CACNA2D4: variants seen among roughly 807,000 people sequenced by gnomAD.
The protein encoded by CACNA2D4 is calcium voltage-gated channel auxiliary subunit alpha2delta 4.
A neutral mutation model predicts 163.8 loss-of-function variants in CACNA2D4; 157 were observed. The ratio of observed to expected loss-of-function variants is 0.96; its 90% confidence interval spans 0.84 to 1.09. The LOEUF is 1.09. Among genes scored for constraint, CACNA2D4 ranks in the 50% least tolerant of loss-of-function variants. The pLI is 0.00. For synonymous variants in CACNA2D4, 598 were observed against 586.9 expected, an observed-to-expected ratio of 1.02 and a Z score of -0.27; for missense variants, 1,410 against 1,479.9, an observed-to-expected ratio of 0.95 and a Z score of 0.78.
intron 18 of CACNA2D4, among the ~76,000 whole-genome samples, chr12:1,865,452 G>A (rs1427143800): frequency 6.6e-6 from 1 of 152,342 alleles, no homozygotes; most frequent in Middle Eastern, 3.4e-3. Context: ...AAGCACAATC[G>A]CGTGCCTGGG....
Position 1,878,230 on chromosome 12 carries a change from T to A in CACNA2D4, c.1719+85A>T. The A allele has an allele frequency of 1.4e-6, 2 of 1,442,178 alleles. No individual in the cohort carries two copies. The highest frequency in any genetic ancestry group is 1.9e-6 in the Non-Finnish European group (2 of 1,047,182). The allele number at this position is 1,442,178 out of a possible 1,614,324, so 89.3% of individuals were successfully genotyped here. On this transcript the variant is annotated intron_variant, in intron 16 of 37. Coordinates refer to ENST00000382722, the MANE Select transcript of CACNA2D4 (RefSeq NM_172364.5). This position sits in a 1 kb window ranked among gnomAD's most constrained non-coding sequence, Gnocchi z 4.6. The stretch of plus-strand genomic sequence containing the variant: ...CTGGGTTCCTAAATGGAGCCCAATG[T>A]GTGTTTGTTGTTTTAATCGTTTTTG...
At chr12:1,906,202 A>T (rs1866655283) in intron 6 of CACNA2D4, among the ~76,000 whole-genome samples, 1 of 152,220 alleles carries the variant, frequency 6.6e-6, no homozygotes, top group African/African-American at 2.4e-5. Context: ...TAAGACCTAA[A>T]ACTATAAAAC....
At chr12:1,853,898 A>C in intron 23 of CACNA2D4, 53 bp downstream of exon 23, 1 of 1,436,068 alleles carries the variant, frequency 7.0e-7, no homozygotes, top group Non-Finnish European at 9.7e-7. Context: ...CAACTTAGCC[A>C]AGGGAATTCT....
intron 26 of CACNA2D4, among the ~76,000 whole-genome samples, chr12:1,816,810 A>G (rs1863890794): frequency 6.6e-6 from 1 of 152,206 alleles, no homozygotes; most frequent in Non-Finnish European, 1.5e-5. Flanking sequence ...ACATGCATGC[A>G]CACACACTTG....
chr12:1,918,633 A>G lies in CACNA2D4; in HGVS notation c.-160T>C, dbSNP rs1310694146. 6.9e-6 allele frequency: 4 copies of G among 583,586 alleles called. No homozygotes were observed. The highest frequency in any genetic ancestry group is 9.0e-6 in the Non-Finnish European group (3 of 332,258). The allele number at this position is 583,586 out of a possible 1,614,324, so 36.2% of individuals were successfully genotyped here. A position where few individuals can be genotyped will look rare whatever the true frequency, so the allele number is the denominator to read the frequency against. Reference sequence around the variant, plus strand: ...AGAAGAGTCGCCCCACCTAGCAAGCAGGCCTCGGAGACAGGGACTGGGGGA... The same window carrying G: ...AGAAGAGTCGCCCCACCTAGCAAGCGGGCCTCGGAGACAGGGACTGGGGGA... On this transcript the variant is annotated 5_prime_UTR_variant, in exon 1 of 38. Coordinates refer to ENST00000382722, the MANE Select transcript of CACNA2D4 (RefSeq NM_172364.5).
chr12:1,807,521 C>T (rs895949546), intron 29 of CACNA2D4, among the ~76,000 whole-genome samples: 1 of 151,872 alleles, frequency 6.6e-6, no homozygotes, highest in African/African-American at 2.4e-5. Flanking sequence ...TTAAAAACAG[C>T]AAAAACAGAT....
intron 31 of CACNA2D4, 80 bp from the exon 32 acceptor site, chr12:1,800,518 C>G (rs1863280009): frequency 5.1e-6 from 7 of 1,380,708 alleles, no homozygotes; most frequent in South Asian, 1.2e-5. Flanking sequence ...GCACCACCCT[C>G]AGAGAGACCA....
rs1308136726 is a variant in CACNA2D4, at chr12:1,799,214, G to A, written c.2995+461C>T. The stretch of plus-strand genomic sequence containing the variant: ...CCACAGCCACCGGGCTTTGTGTTGG[G>A]GCCTCTCATGGTTGCTGCCTCTGGG... On this transcript the variant is annotated intron_variant, in intron 34 of 37. Transcript: ENST00000382722. The surrounding 1 kb of genome is among the most constrained non-coding windows in gnomAD (Gnocchi z 4.7). Among the ~76,000 whole-genome samples the A allele has an allele frequency of 1.3e-5, 2 of 152,166 alleles. No individual in the cohort carries two copies. Among genetic ancestry groups the A allele is most frequent in the Non-Finnish European group, 2.9e-5 (2 of 68,022 alleles).
chr12:1,889,088 T>G (rs897518259), intron 6 of CACNA2D4, among the ~76,000 whole-genome samples: 6 of 152,206 alleles, frequency 3.9e-5, no homozygotes, highest in African/African-American at 9.7e-5. Context: ...TTTAAGATGT[T>G]GAGAGAATAG....
rs1866070309 is a variant in CACNA2D4, at chr12:1,883,963, G to T, written c.1351+280C>A. The T allele has an allele frequency of 6.4e-6, 3 of 467,616 alleles. No individual in the cohort carries two copies. Among genetic ancestry groups the T allele is most frequent in the Non-Finnish European group, 1.2e-5 (3 of 260,416 alleles). The allele number at this position is 467,616 out of a possible 1,614,324, so 29.0% of individuals were successfully genotyped here. A position where few individuals can be genotyped will look rare whatever the true frequency, so the allele number is the denominator to read the frequency against. ...CATTCACACACAAAACATTATTCCA[G>T]AGAAAACAGTGACCCTCTGCTTTTT... On this transcript the variant is annotated intron_variant, in intron 12 of 37. Transcript: ENST00000382722. This position sits in a 1 kb window ranked among gnomAD's most constrained non-coding sequence, Gnocchi z 4.5.
intron 6 of CACNA2D4, among the ~76,000 whole-genome samples, chr12:1,893,095 A>T (rs750756632): frequency 1.3e-5 from 2 of 152,208 alleles, no homozygotes; most frequent in Non-Finnish European, 2.9e-5. Flanking sequence ...TTTAGACAGA[A>T]AATTACCAAA....
At position 1,843,632 on chromosome 12, in the gene CACNA2D4, C is replaced by T. The variant is rs561134643; in HGVS notation, c.2470+770G>A. Among the ~76,000 whole-genome samples, 7 of 152,340 alleles carry T rather than the reference C, an allele frequency of 4.6e-5. No homozygotes were observed. In the South Asian group the frequency reaches 8.3e-4, roughly 18 times the overall value. On this transcript the variant is annotated intron_variant, in intron 25 of 37. Transcript: ENST00000382722. The surrounding 1 kb of genome is among the most constrained non-coding windows in gnomAD (Gnocchi z 4.6). ...GAAGCTCCCTGGGCCACAGTCACTT[C>T]GAGTGTAAATCAAGAGCACCAGGCT...
intron 18 of CACNA2D4, among the ~76,000 whole-genome samples, chr12:1,873,450 T>A (rs1187440499): frequency 6.6e-6 from 1 of 152,174 alleles, no homozygotes; most frequent in Non-Finnish European, 1.5e-5. Context: ...CAGCACGAGA[T>A]TCCTGGGCAC....
chr12:1,884,768 C>T lies in CACNA2D4; in HGVS notation c.1272G>A (p.Lys424=), dbSNP rs1329260082. 1 of 1,609,834 alleles carries T rather than the reference C, an allele frequency of 6.2e-7. No individual in the cohort carries two copies. The highest frequency in any genetic ancestry group is 8.5e-7 in the Non-Finnish European group (1 of 1,176,556). The change falls in exon 11 of 38, where the codon AAG becomes AAA. Residue 424 remains lysine (K), a splice_region_variant and synonymous_variant. Transcript: ENST00000382722. ...VFEKYNWPDC[K]VRVFTYLIGR... is the part of the protein sequence containing the mutation. Reference sequence around the variant, plus strand: ...CCCTGGACACCCGTGGGAGGGTCACCTTACAGTCTGGCCAGTTATACTTCT... The same window carrying T: ...CCCTGGACACCCGTGGGAGGGTCACTTTACAGTCTGGCCAGTTATACTTCT...
chr12:1,879,207 G>A (rs370373041), intron 14 of CACNA2D4, among the ~76,000 whole-genome samples, 171 bp from the exon 15 acceptor site: 6 of 152,166 alleles, frequency 3.9e-5, no homozygotes, highest in East Asian at 3.8e-4. Flanking sequence ...TCTATCAGAC[G>A]AGGTCCCAGG....
intron 18 of CACNA2D4, among the ~76,000 whole-genome samples, chr12:1,867,550 G>A (rs1227332132): frequency 6.6e-6 from 1 of 152,086 alleles, no homozygotes; most frequent in African/African-American, 2.4e-5. Context: ...TCATTTGGAA[G>A]CATAAGAAAC....
chr12:1,872,437 A>T (rs1226327669), intron 18 of CACNA2D4, among the ~76,000 whole-genome samples: 3 of 152,362 alleles, frequency 2.0e-5, no homozygotes, highest in Middle Eastern at 3.4e-3. Context: ...GATGGCTCGA[A>T]CAGTAACAGT....
At chr12:1,876,183 A>G (rs1343893921) in intron 16 of CACNA2D4, among the ~76,000 whole-genome samples, 2 of 152,176 alleles carry the variant, frequency 1.3e-5, no homozygotes, top group Non-Finnish European at 2.9e-5. Context: ...TGCTTTCTGA[A>G]TACTAATTTT....
In CACNA2D4 at chr12:1,844,578, C is replaced by A; in HGVS notation, c.2343-49G>T. 1 of 1,582,490 alleles carries A rather than the reference C, an allele frequency of 6.3e-7. No individual in the cohort carries two copies. The highest frequency in any genetic ancestry group is 1.1e-5 in the South Asian group (1 of 87,138). Reference sequence around the variant, plus strand: ...CTCTCCCCAGATCTGTGAACACAGTCATCACTCTTTCCTTTTCTCACACAA... The same window carrying A: ...CTCTCCCCAGATCTGTGAACACAGTAATCACTCTTTCCTTTTCTCACACAA... On this transcript the variant is annotated intron_variant, in intron 24 of 37. Transcript: ENST00000382722. This position sits in a 1 kb window ranked among gnomAD's most constrained non-coding sequence, Gnocchi z 4.2.
Sources: gnomAD v4.1 joint callset for allele counts (sites outside exome capture counted in the v4.1 genomes callset) on GRCh38, gnomAD v4.1.1 for gene constraint, Gnocchi (gnomAD v3.1) non-coding constraint, MANE v1.5 for transcripts, NCBI Gene and HGNC (gene_info 2026-07-23, HGNC 2026-07-21) for gene names.